Variants in FOXJ3 observed in about 807,000 individuals in gnomAD.
FOXJ3 encodes the protein forkhead box protein J3.
In FOXJ3, 22 loss-of-function variants were observed where a neutral mutation model predicts 76.1. The ratio of observed to expected loss-of-function variants is 0.29; its 90% CI spans 0.21 to 0.41. The LOEUF is 0.41. FOXJ3 is among the 10% of genes least tolerant of loss of function. FOXJ3 has a pLI of 1.00. For missense variants in FOXJ3, 613 were observed against 762.1 expected (o/e 0.80, Z 2.30); for synonymous variants, 269 against 261.2 (o/e 1.03, Z -0.29).
At chr1:42,306,420 A>C (rs940239448) in intron 2 of FOXJ3, among the ~76,000 whole-genome samples, 3 of 148,004 alleles carry the variant, frequency 2.0e-5, no homozygotes, top group Admixed American at 7.0e-5. Context: ...CTCCTGCCTC[A>C]GCCTCCCGAG....
At chr1:42,307,781 A>G (rs889183150) in intron 2 of FOXJ3, among the ~76,000 whole-genome samples, 1 of 152,162 alleles carries the variant, frequency 6.6e-6, no homozygotes, top group Non-Finnish European at 1.5e-5. Context: ...GTCTTTTTCT[A>G]ATTCACATAT....
chr1:42,247,454 T>C (rs528091528), intron 4 of FOXJ3, among the ~76,000 whole-genome samples: 6 of 152,276 alleles, frequency 3.9e-5, no homozygotes, highest in East Asian at 3.9e-4. Flanking sequence ...AATAATTCCA[T>C]TTAAAATGGG....
chr1:42,326,200 G>C (rs1419056112), intron 1 of FOXJ3, among the ~76,000 whole-genome samples: 3 of 152,152 alleles, frequency 2.0e-5, no homozygotes, highest in Non-Finnish European at 4.4e-5. Flanking sequence ...GCAATGAGCA[G>C]AGATCACGCC....
At chr1:42,181,767 T>A in intron 12 of FOXJ3, 150 bp downstream of exon 12, 1 of 524,102 alleles carries the variant, frequency 1.9e-6, no homozygotes, top group Non-Finnish European at 3.3e-6. Context: ...GGGTAACAAC[T>A]GACACACACA....
intron 1 of FOXJ3, among the ~76,000 whole-genome samples, chr1:42,325,110 T>TA (rs1341131111): frequency 6.6e-6 from 1 of 152,162 alleles, no homozygotes; most frequent in Non-Finnish European, 1.5e-5. Flanking sequence ...CACACAGTGT[T>TA]AAGTATAGAG....
At chr1:42,222,757 G>C (rs192189356) in intron 5 of FOXJ3, among the ~76,000 whole-genome samples, 6 of 152,238 alleles carry the variant, frequency 3.9e-5, no homozygotes, top group East Asian at 1.9e-4. Flanking sequence ...CCCTCAATCA[G>C]AACATAAACT....
rs552236859 is a variant in FOXJ3, at chr1:42,181,827, ACTCT to A, written c.1753+86_1753+89del. 1,301 of 762,320 alleles carry A rather than the reference ACTCT, an allele frequency of 1.7e-3. 7 individuals are homozygous for A. The highest frequency in any genetic ancestry group is 0.016 in the African/African-American group (904 of 56,476). The allele number at this position is 762,320 out of a possible 1,614,324, so 47.2% of individuals were successfully genotyped here. A position where few individuals can be genotyped will look rare whatever the true frequency, so the allele number is the denominator to read the frequency against. On this transcript the variant is annotated intron_variant, in intron 12 of 12. Coordinates refer to ENST00000361346, the MANE Select transcript of FOXJ3 (RefSeq NM_014947.5). ...GGTAATAACTGACACACACACACAC[ACTCT>A]CTCTCTCACCTGCCATCGTTGTTCC... is the stretch of plus-strand genomic sequence containing the variant.
intron 4 of FOXJ3, among the ~76,000 whole-genome samples, chr1:42,237,408 A>C (rs1486446723): frequency 1.8e-4 from 2 of 11,008 alleles, no homozygotes; most frequent in Non-Finnish European, 4.4e-4. Flanking sequence ...ATACATACAT[A>C]TATATATATA....
intron 4 of FOXJ3, among the ~76,000 whole-genome samples, chr1:42,237,300 G>A (rs488851): frequency 0.67 from 100,605 of 150,660 alleles, 35,246 homozygotes; most frequent in Admixed American, 0.79. Flanking sequence ...GCTTGAACCC[G>A]GGAGGCGGTG....
chr1:42,180,979 C>A (rs1052511551), intron 12 of FOXJ3, among the ~76,000 whole-genome samples: 1 of 152,244 alleles, frequency 6.6e-6, no homozygotes, highest in African/African-American at 2.4e-5. Context: ...GCACTCACAA[C>A]AGGTTAACAT....
chr1:42,267,820 T>C (rs1651582769), intron 3 of FOXJ3, among the ~76,000 whole-genome samples: 1 of 151,992 alleles, frequency 6.6e-6, no homozygotes, highest in South Asian at 2.1e-4. Context: ...ACATTAAACA[T>C]GATTAAAGAT....
At chr1:42,329,197 AAAC>A (rs903420293) in intron 1 of FOXJ3, among the ~76,000 whole-genome samples, 1 of 152,238 alleles carries the variant, frequency 6.6e-6, no homozygotes, top group Non-Finnish European at 1.5e-5. Context: ...ATAAATATAA[AAAC>A]AACATCTGGT....
At chr1:42,273,695 A>T (rs1037506713) in intron 3 of FOXJ3, among the ~76,000 whole-genome samples, 4 of 151,004 alleles carry the variant, frequency 2.6e-5, no homozygotes, top group African/African-American at 9.7e-5. Flanking sequence ...AAAAAAAAAA[A>T]TTGCAGAAAA....
intron 7 of FOXJ3, among the ~76,000 whole-genome samples, chr1:42,197,230 T>A (rs1312249676): frequency 3.3e-5 from 5 of 152,122 alleles, no homozygotes; most frequent in African/African-American, 1.2e-4. Context: ...AGGCCAGGCA[T>A]GGTGGCTCAT....
intron 2 of FOXJ3, among the ~76,000 whole-genome samples, chr1:42,295,973 C>A (rs1040524311): frequency 1.3e-5 from 2 of 152,192 alleles, no homozygotes; most frequent in East Asian, 1.9e-4. Flanking sequence ...GTCAGCAGTG[C>A]GTAAGCACTG....
At position 42,239,079 on chromosome 1, in the gene FOXJ3, G is replaced by T. The variant is rs1264580859; in HGVS notation, c.445-11113C>A. Reference sequence around the variant, plus strand: ...TGCTTTTGTTAACTTCATTTTCCAAGCATTCCTTCCTAGTACAGAAAAAAA... The same window carrying T: ...TGCTTTTGTTAACTTCATTTTCCAATCATTCCTTCCTAGTACAGAAAAAAA... On this transcript the variant is annotated intron_variant, in intron 4 of 12. Transcript: ENST00000361346. Among the ~76,000 whole-genome samples, 3 of 152,110 alleles carry T rather than the reference G, an allele frequency of 2.0e-5. No homozygotes were observed. The East Asian group carries it at 5.8e-4, about 29-fold the overall frequency.
At chr1:42,324,712 A>C (rs1359539902) in intron 1 of FOXJ3, among the ~76,000 whole-genome samples, 1 of 152,174 alleles carries the variant, frequency 6.6e-6, no homozygotes, top group Non-Finnish European at 1.5e-5. Context: ...GGAATACAAA[A>C]GTATTTGTGT....
chr1:42,262,113 C>T (rs1324276876), intron 4 of FOXJ3, among the ~76,000 whole-genome samples: 2 of 152,168 alleles, frequency 1.3e-5, no homozygotes, highest in Non-Finnish European at 2.9e-5. Flanking sequence ...CCAGAAGCTG[C>T]TGAAAGACAT....
intron 5 of FOXJ3, among the ~76,000 whole-genome samples, chr1:42,213,201 G>T (rs1647000931): frequency 6.6e-6 from 1 of 152,018 alleles, no homozygotes; most frequent in African/African-American, 2.4e-5. Context: ...ACAATCAACA[G>T]CATGACTGGA....
Sources: allele counts gnomAD v4.1 joint callset (sites outside exome capture counted in the v4.1 genomes callset), GRCh38; gene constraint gnomAD v4.1.1; transcripts MANE v1.5; gene names NCBI Gene and HGNC (gene_info 2026-07-23, HGNC 2026-07-21).